TUBB6: variants seen among roughly 807,000 people sequenced by gnomAD.
TUBB6 encodes the protein tubulin beta-6 chain.
A neutral mutation model predicts 32.3 loss-of-function variants in TUBB6; 18 were observed. That is an observed-to-expected ratio of 0.56 (90% CI 0.39 to 0.83). TUBB6 has a LOEUF of 0.83. Among genes scored for constraint, TUBB6 ranks in the 40% least tolerant of loss-of-function variants. The pLI, the probability that TUBB6 is intolerant of heterozygous loss-of-function variation, is 0.00. For synonymous variants in TUBB6, 280 were observed against 265.8 expected (o/e 1.05, Z -0.52); for missense variants, 480 against 632.0 (o/e 0.76, Z 2.58).
intron 1 of TUBB6, 166 bp from the exon 2 acceptor site, chr18:12,308,521 G>A (rs1481370009): frequency 5.7e-6 from 4 of 706,354 alleles, no homozygotes; most frequent in South Asian, 2.3e-5. Context: ...TGGCCGGCCG[G>A]GGACCTTCTA....
intron 3 of TUBB6, 97 bp downstream of exon 3, chr18:12,311,150 G>C: frequency 1.8e-6 from 2 of 1,087,468 alleles, no homozygotes; most frequent in Non-Finnish European, 2.7e-6. Context: ...CATAGAAAAA[G>C]TGTGAATGGA....
rs200294113 is a variant in TUBB6, at chr18:12,308,318, C to T, written c.26C>T (p.Ala9Val). 3.4e-4 allele frequency: 507 copies of T among 1,481,344 alleles called. No homozygotes were observed. The highest frequency in any genetic ancestry group is 4.3e-4 in the Non-Finnish European group (475 of 1,111,468). The allele number at this position is 1,481,344 out of a possible 1,614,324, so 91.8% of individuals were successfully genotyped here. Residue 9 changes from alanine (A) to valine (V), a missense_variant, in exon 1 of 4, where the codon GCG (alanine) becomes GTG (valine). Ala to Val is a moderately conservative substitution (Grantham distance 64, BLOSUM62 0). Transcript: ENST00000317702. ...ATGAGGGAGATCGTGCACATCCAGG[C>T]GGGCCAGTGCGGGAACCAGATCGGC... MREIVHIQAGQCGNQIGTK... is the reference protein window; with the variant it reads MREIVHIQVGQCGNQIGTK...
intron 3 of TUBB6, chr18:12,311,271 A>C: frequency 2.5e-6 from 1 of 407,224 alleles, no homozygotes; most frequent in South Asian, 2.5e-5. Flanking sequence ...ATATCTCTAA[A>C]TGAAATTCTT....
At chr18:12,315,181 TTA>T (rs1199804008) in intron 3 of TUBB6, among the ~76,000 whole-genome samples, 1 of 152,240 alleles carries the variant, frequency 6.6e-6, no homozygotes, top group Non-Finnish European at 1.5e-5. Context: ...TATTTCACAT[TTA>T]GTTTCTAAAA....
At chr18:12,314,372 G>A (rs1473408979) in intron 3 of TUBB6, among the ~76,000 whole-genome samples, 2 of 152,034 alleles carry the variant, frequency 1.3e-5, no homozygotes, top group East Asian at 1.9e-4. Context: ...GAATCTGAGC[G>A]AGCGGACAGC....
At chr18:12,329,374 C>T (rs925546906), downstream of TUBB6, 8 of 688,380 alleles carry the variant, frequency 1.2e-5, no homozygotes, top group East Asian at 2.7e-5. Flanking sequence ...TCAAGGCCTC[C>T]GGAAAGTCAC....
downstream of TUBB6, chr18:12,329,530 C>T (rs1364719088): frequency 1.9e-6 from 3 of 1,597,352 alleles, no homozygotes; most frequent in Admixed American, 1.7e-5. Context: ...GCTGAAACCA[C>T]AGTGGACAGA....
downstream of TUBB6, chr18:12,329,650 G>A (rs781129886): frequency 1.2e-6 from 2 of 1,614,034 alleles, no homozygotes; most frequent in Non-Finnish European, 1.7e-6. Context: ...TGGAAGTGAG[G>A]TGTCCTCATC....
chr18:12,310,232 G>A (rs1315400567), intron 2 of TUBB6, among the ~76,000 whole-genome samples: 1 of 151,910 alleles, frequency 6.6e-6, no homozygotes, highest in African/African-American at 2.4e-5. Flanking sequence ...GCTCACCCCT[G>A]TAATCCCAGC....
downstream of TUBB6, chr18:12,328,897 C>T: frequency 2.4e-6 from 1 of 417,330 alleles, no homozygotes; most frequent in Non-Finnish European, 4.3e-6. Flanking sequence ...TAATTTCTTG[C>T]CATTATGTTT....
At chr18:12,328,945 G>A (rs2143070492), downstream of TUBB6, 1 of 530,660 alleles carries the variant, frequency 1.9e-6, no homozygotes, top group East Asian at 2.9e-5. Flanking sequence ...GACCCTATGT[G>A]TGTTCAGAAA....
intron 3 of TUBB6, among the ~76,000 whole-genome samples, chr18:12,313,513 G>C (rs1389989775): frequency 1.3e-5 from 2 of 152,204 alleles, no homozygotes; most frequent in African/African-American, 2.4e-5. Context: ...AGGGTCCCAG[G>C]CAAACTGGAA....
intron 3 of TUBB6, among the ~76,000 whole-genome samples, chr18:12,312,931 G>A (rs563401316): frequency 8.7e-5 from 13 of 149,796 alleles, no homozygotes; most frequent in African/African-American, 1.7e-4. Context: ...CCCAGCAGGC[G>A]GAGGTTGGGG....
At chr18:12,321,799 A>C (rs1598808914) in intron 3 of TUBB6, among the ~76,000 whole-genome samples, 1 of 152,266 alleles carries the variant, frequency 6.6e-6, no homozygotes, top group East Asian at 1.9e-4. Context: ...TTAAAAATTA[A>C]ATTGACAAAG....
downstream of TUBB6, chr18:12,329,462 G>T: frequency 8.0e-7 from 1 of 1,245,058 alleles, no homozygotes; most frequent in Non-Finnish European, 1.2e-6. Context: ...CCAGTGGCTG[G>T]CTAAAATCAG....
intron 3 of TUBB6, among the ~76,000 whole-genome samples, chr18:12,318,606 A>T (rs944055216): frequency 6.6e-6 from 1 of 151,980 alleles, no homozygotes; most frequent in Non-Finnish European, 1.5e-5. Context: ...AGACAATAGG[A>T]GAGAAAGGCT....
At chr18:12,329,513 T>C (rs1344378049), downstream of TUBB6, 7 of 1,558,092 alleles carry the variant, frequency 4.5e-6, no homozygotes, top group South Asian at 5.6e-5. Flanking sequence ...GCTGAAATAA[T>C]GCACCAGCTG....
chr18:12,312,999 C>CAACA (rs1906472749), intron 3 of TUBB6, among the ~76,000 whole-genome samples: 1 of 106,572 alleles, frequency 9.4e-6, no homozygotes, highest in Non-Finnish European at 1.7e-5. Context: ...AATTCTATCT[C>CAACA]AAAAAAAAAA....
intron 2 of TUBB6, 34 bp downstream of exon 2, chr18:12,308,829 G>C (rs759214818): frequency 1.4e-6 from 2 of 1,431,426 alleles, no homozygotes; most frequent in Non-Finnish European, 2.0e-6. Flanking sequence ...CTGCCCGGCC[G>C]GGACCCGCGT....
Sources: gnomAD v4.1 joint callset for allele counts (sites outside exome capture counted in the v4.1 genomes callset) on GRCh38, gnomAD v4.1.1 for gene constraint, MANE v1.5 for transcripts, NCBI Gene and HGNC (gene_info 2026-07-23, HGNC 2026-07-21) for gene names.